Variants in FGF12 observed in about 807,000 individuals in gnomAD.
The protein encoded by FGF12 is fibroblast growth factor 12B.
Under a neutral mutation model 23.6 loss-of-function variants are expected in FGF12, and 14 were observed. The observed-to-expected ratio is 0.59, with a 90% confidence interval of 0.39 to 0.93. FGF12 has a LOEUF of 0.93. FGF12 is among the 40% of genes least tolerant of loss of function. The pLI, the probability that FGF12 is intolerant of heterozygous loss-of-function variation, is 0.00. For synonymous variants in FGF12, 62 were observed against 77.3 expected (o/e 0.80, Z 1.04); for missense variants, 175 against 217.8 (o/e 0.80, Z 1.24).
At chr3:192,202,618 T>C (rs1240990927) in intron 4 of FGF12, among the ~76,000 whole-genome samples, 2 of 152,236 alleles carry the variant, frequency 1.3e-5, no homozygotes, top group African/African-American at 2.4e-5. Flanking sequence ...TAATTTTGTC[T>C]CATATCCGAA....
rs1303743974 is a variant in FGF12 at position 192,456,354 on chromosome 3, A to C, written c.14-95816T>G. On this transcript the variant is annotated intron_variant, in intron 2 of 5. Transcript: ENST00000445105. ...GAGGCAGAGGTCATCTGAGACTTAGAGATATCTTAGCCCAAAGCCTGCTGT... is the reference window on the plus strand; with the variant it reads ...GAGGCAGAGGTCATCTGAGACTTAGCGATATCTTAGCCCAAAGCCTGCTGT... 2.6e-5 allele frequency among the ~76,000 whole-genome samples: 4 copies of C among 152,220 alleles called. No individual in the cohort carries two copies. The East Asian group carries it at 7.7e-4, about 29-fold the overall frequency.
intron 2 of FGF12, among the ~76,000 whole-genome samples, chr3:192,505,924 G>A (rs1724277947): frequency 6.6e-6 from 1 of 152,176 alleles, no homozygotes; most frequent in Admixed American, 6.5e-5. Context: ...TGCTAAACAG[G>A]GTGGCTAATA....
intron 2 of FGF12, among the ~76,000 whole-genome samples, chr3:192,574,609 T>C (rs1712793166): frequency 1.3e-5 from 2 of 152,212 alleles, no homozygotes; most frequent in South Asian, 4.1e-4. Context: ...ACCCCTGCAA[T>C]GATTCTCCAT....
At chr3:192,558,391 T>C (rs370388949) in intron 2 of FGF12, among the ~76,000 whole-genome samples, 4 of 151,812 alleles carry the variant, frequency 2.6e-5, no homozygotes, top group African/African-American at 9.7e-5. Context: ...AAAAAATTTG[T>C]ACACTAAAAA....
At chr3:192,255,836 A>C (rs978201309) in intron 4 of FGF12, among the ~76,000 whole-genome samples, 1 of 152,088 alleles carries the variant, frequency 6.6e-6, no homozygotes, top group African/African-American at 2.4e-5. Context: ...TCTATGGAAC[A>C]TCTCCAGTAG....
At chr3:192,502,456 T>G (rs1402622987) in intron 2 of FGF12, among the ~76,000 whole-genome samples, 1 of 152,210 alleles carries the variant, frequency 6.6e-6, no homozygotes, top group Non-Finnish European at 1.5e-5. Context: ...CAATCTACGT[T>G]GTATAACAGA....
chr3:192,379,253 G>A (rs779641689), intron 2 of FGF12, among the ~76,000 whole-genome samples: 2 of 152,046 alleles, frequency 1.3e-5, no homozygotes, highest in Non-Finnish European at 2.9e-5. Context: ...CCAAATGACT[G>A]TGTGATAAAT....
At chr3:192,586,847 A>T (rs1713392393) in intron 2 of FGF12, among the ~76,000 whole-genome samples, 1 of 152,226 alleles carries the variant, frequency 6.6e-6, no homozygotes, top group South Asian at 2.1e-4. Flanking sequence ...TCTTTAAAAA[A>T]ATCATTCAAG....
chr3:192,196,041 AACC>A (rs1487775091), intron 4 of FGF12, among the ~76,000 whole-genome samples: 2 of 152,170 alleles, frequency 1.3e-5, no homozygotes, highest in African/African-American at 4.8e-5. Flanking sequence ...AGCCTTTGGT[AACC>A]ACTATTCTAT....
At chr3:192,304,126 T>C (rs191522719) in intron 4 of FGF12, among the ~76,000 whole-genome samples, 3 of 152,264 alleles carry the variant, frequency 2.0e-5, no homozygotes, top group South Asian at 4.1e-4. Flanking sequence ...ACTTGAGGTG[T>C]TGCTAAATTG....
chr3:192,611,962 G>A (rs1714564540), intron 2 of FGF12, among the ~76,000 whole-genome samples: 1 of 151,994 alleles, frequency 6.6e-6, no homozygotes, highest in Admixed American at 6.6e-5. Flanking sequence ...AGTGAGTTGA[G>A]GGAGATGAGG....
chr3:192,192,453 A>C (rs2108649593), intron 4 of FGF12, among the ~76,000 whole-genome samples: 1 of 147,950 alleles, frequency 6.8e-6, no homozygotes, highest in East Asian at 1.9e-4. Context: ...TAAATATATA[A>C]TTATATTACA....
intron 4 of FGF12, among the ~76,000 whole-genome samples, chr3:192,173,217 A>C (rs1452686925): frequency 6.6e-6 from 1 of 150,898 alleles, no homozygotes; most frequent in East Asian, 1.9e-4. Context: ...ATGTTTGCAA[A>C]ACTTTCTGAA....
At chr3:192,188,149 CAT>C (rs1178073954) in intron 4 of FGF12, among the ~76,000 whole-genome samples, 1 of 152,134 alleles carries the variant, frequency 6.6e-6, no homozygotes, top group East Asian at 1.9e-4. Flanking sequence ...ATTTCATAAT[CAT>C]GTGATTCTAA....
chr3:192,465,724 G>A (rs1177140921), intron 2 of FGF12, among the ~76,000 whole-genome samples: 3 of 152,172 alleles, frequency 2.0e-5, no homozygotes, highest in Admixed American at 6.5e-5. Context: ...CCACTCCCAA[G>A]TCAGGTAATT....
At position 192,653,556 on chromosome 3, in the gene FGF12, C is replaced by T. The variant is rs147343737; in HGVS notation, c.13+73625G>A. ...ACAGAGTTTTGTAGCCTTCTGAGAACGCAGTACAGATCTATAATATTAAAA... is the reference window on the plus strand; with the variant it reads ...ACAGAGTTTTGTAGCCTTCTGAGAATGCAGTACAGATCTATAATATTAAAA... On this transcript the variant is annotated intron_variant, in intron 2 of 5. Transcript: ENST00000445105. Among the ~76,000 whole-genome samples the T allele has an allele frequency of 4.7e-3, 723 of 152,224 alleles. 4 individuals carry two copies. The highest frequency in any genetic ancestry group is 0.016 in the African/African-American group (679 of 41,520).
rs538013834 is a variant in FGF12 at position 192,594,069 on chromosome 3, G to A, written c.13+133112C>T. Reference sequence around the variant, plus strand: ...AATCTGCTAAAATTTTCCAAAGAACGTAGTGGAGCTGGGGCTTGAAATGTC... The same window carrying A: ...AATCTGCTAAAATTTTCCAAAGAACATAGTGGAGCTGGGGCTTGAAATGTC... On this transcript the variant is annotated intron_variant, in intron 2 of 5. Coordinates refer to ENST00000445105, the MANE Select transcript of FGF12 (RefSeq NM_004113.6). 8.6e-5 allele frequency among the ~76,000 whole-genome samples: 13 copies of A among 151,926 alleles called. No homozygotes were observed. In the South Asian group the frequency reaches 1.1e-3, roughly 12 times the overall value.
intron 2 of FGF12, among the ~76,000 whole-genome samples, chr3:192,680,307 C>G (rs1032679854): frequency 6.6e-6 from 1 of 152,142 alleles, no homozygotes; most frequent in African/African-American, 2.4e-5. Flanking sequence ...AACAAGATGA[C>G]TGCTGCCGAA....
chr3:192,640,551 C>T (rs1285399595), intron 2 of FGF12, among the ~76,000 whole-genome samples: 3 of 151,984 alleles, frequency 2.0e-5, no homozygotes, highest in African/African-American at 7.3e-5. Flanking sequence ...ATGGTACCTC[C>T]GTTATTTTAT....
Sources: gnomAD v4.1 joint callset for allele counts (sites outside exome capture counted in the v4.1 genomes callset) on GRCh38, gnomAD v4.1.1 for gene constraint, MANE v1.5 for transcripts, NCBI Gene and HGNC (gene_info 2026-07-23, HGNC 2026-07-21) for gene names.